Variants in TTC29 observed in about 807,000 individuals in gnomAD.
The protein encoded by TTC29 is tetratricopeptide repeat domain 29, also known as tetratricopeptide repeat protein 29.
Under a neutral mutation model 58.1 loss-of-function variants are expected in TTC29, and 49 were observed. The ratio of observed to expected loss-of-function variants is 0.84; its 90% confidence interval spans 0.67 to 1.07. TTC29 has a LOEUF of 1.07. TTC29 is among the 50% of genes least tolerant of loss of function. The pLI, the probability that TTC29 is intolerant of heterozygous loss-of-function variation, is 0.00. For missense variants in TTC29, 582 were observed against 555.6 expected (o/e 1.05, Z -0.48); for synonymous variants, 209 against 196.8 (o/e 1.06, Z -0.52).
chr4:146,845,817 TCACACA>T (rs112302644), intron 8 of TTC29, among the ~76,000 whole-genome samples: 8 of 148,974 alleles, frequency 5.4e-5, no homozygotes, highest in South Asian at 2.1e-4. Context: ...GTACACACAA[TCACACA>T]CACACACACA....
rs977112808 is a variant in TTC29, at chr4:146,892,528, G to A, written c.586+11016C>T. Among the ~76,000 whole-genome samples the A allele has an allele frequency of 3.9e-5, 6 of 152,234 alleles. No homozygotes were observed. In the East Asian group the frequency reaches 9.6e-4, roughly 24 times the overall value. ...TCAATAAATTAGGTATTGATGGGAC[G>A]TATCTCAAAATAATAAGAGCTATCT... On this transcript the variant is annotated intron_variant, in intron 6 of 12. Transcript: ENST00000325106.
At chr4:146,917,364 TATA>T (rs1416170254) in intron 4 of TTC29, among the ~76,000 whole-genome samples, 12 of 141,076 alleles carry the variant, frequency 8.5e-5, no homozygotes, top group East Asian at 6.4e-4. Context: ...AAGCTCTTTT[TATA>T]ATATTATGTT....
intron 11 of TTC29, among the ~76,000 whole-genome samples, chr4:146,763,662 A>C (rs547809869): frequency 6.6e-6 from 1 of 152,132 alleles, no homozygotes; most frequent in African/African-American, 2.4e-5. Context: ...TCAGAAAAAG[A>C]TATTCTTTCA....
chr4:146,925,052 TTCA>T (rs1734835208), intron 4 of TTC29, among the ~76,000 whole-genome samples: 1 of 152,074 alleles, frequency 6.6e-6, no homozygotes, highest in African/African-American at 2.4e-5. Flanking sequence ...TTAACTTAAT[TTCA>T]TTCCTGTAGG....
At chr4:146,863,781 G>A (rs1441521236) in intron 8 of TTC29, among the ~76,000 whole-genome samples, 1 of 152,144 alleles carries the variant, frequency 6.6e-6, no homozygotes, top group African/African-American at 2.4e-5. Context: ...TTCAGACGGG[G>A]TCTGAAGACC....
At chr4:146,730,384 T>G (rs1196156083) in intron 11 of TTC29, among the ~76,000 whole-genome samples, 2 of 152,132 alleles carry the variant, frequency 1.3e-5, no homozygotes, top group Admixed American at 1.3e-4. Context: ...AGATAGGAAT[T>G]ATGTACACAA....
At chr4:146,750,197 C>T (rs897281120) in intron 11 of TTC29, among the ~76,000 whole-genome samples, 19 of 152,024 alleles carry the variant, frequency 1.2e-4, no homozygotes, top group African/African-American at 3.6e-4. Flanking sequence ...TTAGCAGAGA[C>T]GGGGTTTCGC....
At chr4:146,883,776 C>T (rs748587007) in intron 6 of TTC29, among the ~76,000 whole-genome samples, 1 of 151,740 alleles carries the variant, frequency 6.6e-6, no homozygotes, top group East Asian at 1.9e-4. Flanking sequence ...CCGTGCTACT[C>T]GTTAAGCAGT....
At chr4:146,926,527 T>C (rs1007909683) in intron 4 of TTC29, among the ~76,000 whole-genome samples, 1 of 151,972 alleles carries the variant, frequency 6.6e-6, no homozygotes, top group South Asian at 2.1e-4. Flanking sequence ...GGCTGGAGAG[T>C]GCAATGGTGC....
chr4:146,833,833 T>C lies in TTC29; in HGVS notation c.950A>G (p.Tyr317Cys), dbSNP rs1161344984. Residue 317 changes from tyrosine to cysteine, a missense_variant, in exon 9 of 13, where the codon TAT becomes TGT. Coordinates refer to ENST00000325106, the MANE Select transcript of TTC29 (RefSeq NM_031956.4). ...CTGCAGGACCTTGGCTATGGCTTCA[T>C]AGCCTCTCCCCAGACTGAGATCATC... ...LDDDLSLGRGYEAIAKVLQSQ... is the reference protein window; with the variant it reads ...LDDDLSLGRGCEAIAKVLQSQ... The C allele has an allele frequency of 1.2e-6, 2 of 1,613,298 alleles. No individual in the cohort carries two copies. The highest frequency in any genetic ancestry group is 1.7e-6 in the Non-Finnish European group (2 of 1,179,468).
At chr4:146,783,100 T>C (rs1056855488) in intron 11 of TTC29, among the ~76,000 whole-genome samples, 2 of 152,060 alleles carry the variant, frequency 1.3e-5, no homozygotes, top group African/African-American at 4.8e-5. Flanking sequence ...TATTTACTTA[T>C]TTAAATTCAC....
At chr4:146,838,350 T>C (rs931390825) in intron 8 of TTC29, among the ~76,000 whole-genome samples, 1 of 151,972 alleles carries the variant, frequency 6.6e-6, no homozygotes, top group Non-Finnish European at 1.5e-5. Flanking sequence ...TTATTTTTAC[T>C]GCAATAGCCT....
At chr4:146,750,255 C>A (rs557804163) in intron 11 of TTC29, among the ~76,000 whole-genome samples, 1 of 152,302 alleles carries the variant, frequency 6.6e-6, no homozygotes, top group South Asian at 2.1e-4. Context: ...GATCCGCCCG[C>A]CTCGGCCTCC....
At chr4:146,944,872 CATA>C (rs200589247) in intron 2 of TTC29, among the ~76,000 whole-genome samples, 156 bp downstream of exon 2, 3,011 of 151,862 alleles carry the variant, frequency 0.02, 43 homozygotes, top group Middle Eastern at 0.066. Flanking sequence ...TTCTCGGTAT[CATA>C]ATTTTTGGAC....
chr4:146,909,218 C>A lies in TTC29; in HGVS notation c.208G>T (p.Val70Leu). ...YRNSYKKNIC[V>L]DMLRDGYHKS... ...TGATAACCATCTCGCAGCATGTCCA[C>A]ACAGATATTCTTCTTGTAGGAGTTC... Residue 70 changes from valine to leucine, a missense_variant, in exon 5 of 13, where the codon GTG becomes TTG. Transcript: ENST00000325106. 6.2e-7 allele frequency: 1 copy of A among 1,613,350 alleles called. No individual in the cohort carries two copies. Among genetic ancestry groups the A allele is most frequent in the Non-Finnish European group, 8.5e-7 (1 of 1,179,662 alleles).
At chr4:146,923,620 A>G (rs1193025176) in intron 4 of TTC29, among the ~76,000 whole-genome samples, 7 of 151,826 alleles carry the variant, frequency 4.6e-5, no homozygotes, top group Non-Finnish European at 1.0e-4. Flanking sequence ...GAATGTGAAG[A>G]GACGCCGCTG....
intron 11 of TTC29, among the ~76,000 whole-genome samples, chr4:146,713,117 T>TGTGTGA (rs1742638718): frequency 6.7e-6 from 1 of 149,238 alleles, no homozygotes; most frequent in Non-Finnish European, 1.5e-5. Flanking sequence ...TGATCGTGTG[T>TGTGTGA]GTGTGTGTGT....
Position 146,803,559 on chromosome 4 carries a change from G to T in TTC29, c.1228C>A (p.Leu410Ile), listed in dbSNP as rs756050588. Residue 410 changes from leucine (L) to isoleucine (I), a missense_variant, in exon 11 of 13, where the codon CTT becomes ATT. By Grantham distance (5) the Leu-to-Ile change is conservative (BLOSUM62 2). Transcript: ENST00000325106. ...GACTCTATATAGTTGTTCACTGTAA[G>T]CATCATCTGATGAGCTTTTGCTATT... ...YGIAKAHQMM[L>I]TVNNYIESAD... The T allele has an allele frequency of 1.1e-5, 17 of 1,605,788 alleles. No homozygotes were observed. The African/African-American group carries it at 2.1e-4, about 20-fold the overall frequency.
At chr4:146,785,021 TG>T (rs1748904264) in intron 11 of TTC29, among the ~76,000 whole-genome samples, 1 of 152,224 alleles carries the variant, frequency 6.6e-6, no homozygotes, top group Non-Finnish European at 1.5e-5. Context: ...AAGATCCTTT[TG>T]TTCCTACGCA....
Sources: allele counts gnomAD v4.1 joint callset (sites outside exome capture counted in the v4.1 genomes callset), GRCh38; gene constraint gnomAD v4.1.1; transcripts MANE v1.5; gene names NCBI Gene and HGNC (gene_info 2026-07-23, HGNC 2026-07-21).